PCDHGA12: variants seen among roughly 807,000 people sequenced by gnomAD.
The protein encoded by PCDHGA12 is protocadherin gamma subfamily A, 12, also known as protocadherin gamma-A12.
In PCDHGA12, 43 loss-of-function variants were observed where a neutral mutation model predicts 61.1. That is an observed-to-expected ratio of 0.70 (90% CI 0.55 to 0.91). The LOEUF (loss-of-function observed/expected upper bound fraction) is 0.91, where lower values mean the gene tolerates loss of function less well. PCDHGA12 is among the 40% of genes least tolerant of loss of function. PCDHGA12 has a pLI of 0.00. For missense variants in PCDHGA12, 1,236 were observed against 1,227.7 expected (o/e 1.01, Z -0.10); for synonymous variants, 520 against 542.9 (o/e 0.96, Z 0.59).
In PCDHGA12 at chr5:141,485,417, G is replaced by A. The variant is rs1340790133; in HGVS notation, c.2425-9390G>A. The A allele has an allele frequency of 1.2e-6, 2 of 1,614,166 alleles. No homozygotes were observed. Among genetic ancestry groups the A allele is most frequent in the Non-Finnish European group, 8.5e-7 (1 of 1,180,038 alleles). ...ACACTTCCGTGTGGATTTGGACAGCGGAGCCCTGCTCATCAAGAACCCAAT... is the reference window on the plus strand; with the variant it reads ...ACACTTCCGTGTGGATTTGGACAGCAGAGCCCTGCTCATCAAGAACCCAAT... On this transcript the variant is annotated intron_variant, in intron 1 of 3. Coordinates refer to ENST00000252085, the MANE Select transcript of PCDHGA12 (RefSeq NM_003735.3). The surrounding 1 kb of genome is among the most constrained non-coding windows in gnomAD (Gnocchi z 5.7).
Position 141,433,359 on chromosome 5 carries a change from CTAT to C in PCDHGA12, c.2424+177_2424+179del, listed in dbSNP as rs2097588942. 4 of 228,708 alleles carry C rather than the reference CTAT, an allele frequency of 1.7e-5. No homozygotes were observed. In the African/African-American group the frequency reaches 3.4e-4, roughly 19 times the overall value. The allele number at this position is 228,708 out of a possible 1,614,324, so 14.2% of individuals were successfully genotyped here. ...CAGGTGCAAGCCACCTACTGTCTGC[CTAT>C]CTATCTATCTATCTATCTATCTATC... On this transcript the variant is annotated intron_variant, in intron 1 of 3. Coordinates refer to ENST00000252085, the MANE Select transcript of PCDHGA12 (RefSeq NM_003735.3).
chr5:141,502,450 C>T (rs184669731), intron 2 of PCDHGA12, among the ~76,000 whole-genome samples: 3 of 152,010 alleles, frequency 2.0e-5, no homozygotes, highest in Admixed American at 1.3e-4. Context: ...AGATTACACA[C>T]CTTGGTAGGA....
chr5:141,439,445 G>T (rs1030957687), intron 1 of PCDHGA12, among the ~76,000 whole-genome samples: 1 of 152,102 alleles, frequency 6.6e-6, no homozygotes, highest in Non-Finnish European at 1.5e-5. Context: ...ATTTTATTGC[G>T]GGAGCAAGAC....
At position 141,485,929 on chromosome 5, in the gene PCDHGA12, G is replaced by A; in HGVS notation, c.2425-8878G>A. 1 of 1,614,150 alleles carries A rather than the reference G, an allele frequency of 6.2e-7. No homozygotes were observed. The highest frequency in any genetic ancestry group is 8.5e-7 in the Non-Finnish European group (1 of 1,180,036). ...AATCCAGCTACAGGATTAGTGTGTT[G>A]GAGAGCGCACCAGCGGGCATGGTGC... On this transcript the variant is annotated intron_variant, in intron 1 of 3. Coordinates refer to ENST00000252085, the MANE Select transcript of PCDHGA12 (RefSeq NM_003735.3). This position sits in a 1 kb window ranked among gnomAD's most constrained non-coding sequence, Gnocchi z 5.7.
intron 1 of PCDHGA12, among the ~76,000 whole-genome samples, chr5:141,472,273 G>A (rs2099275685): frequency 6.6e-6 from 1 of 152,170 alleles, no homozygotes; most frequent in South Asian, 2.1e-4. Context: ...CGGGCACAGT[G>A]GCTCACACCT....
chr5:141,455,495 G>C (rs2098824459), intron 1 of PCDHGA12, among the ~76,000 whole-genome samples: 1 of 152,204 alleles, frequency 6.6e-6, no homozygotes, highest in East Asian at 1.9e-4. Flanking sequence ...GGTGATGTCT[G>C]ATTTGCATAG....
In PCDHGA12 at chr5:141,432,854, G is replaced by A. The variant is rs769962088; in HGVS notation, c.2095G>A (p.Ala699Thr). 1 of 1,614,192 alleles carries A rather than the reference G, an allele frequency of 6.2e-7. No homozygotes were observed. Residue 699 changes from alanine (A) to threonine (T), a missense_variant, in exon 1 of 4, where the codon GCG becomes ACG. Transcript: ENST00000252085. The surrounding 1 kb of genome is among the most constrained non-coding windows in gnomAD (Gnocchi z 6.0). ...LTLYLVVAVA[A>T]VSCVFLAFVI... ...TCTGTACCTGGTGGTAGCGGTGGCC[G>A]CGGTCTCCTGCGTCTTCCTGGCCTT...
chr5:141,498,672 C>T (rs1034911993), intron 2 of PCDHGA12, among the ~76,000 whole-genome samples: 3 of 152,218 alleles, frequency 2.0e-5, no homozygotes, highest in South Asian at 4.1e-4. Context: ...TGGCTCACGC[C>T]TGTAATCCCA....
At chr5:141,506,444 CAAA>C (rs1219684339) in intron 3 of PCDHGA12, among the ~76,000 whole-genome samples, 12 of 95,004 alleles carry the variant, frequency 1.3e-4, no homozygotes, top group Admixed American at 3.3e-4. Context: ...CGCTCTGTCT[CAAA>C]AAAAAAAAAA....
intron 1 of PCDHGA12, among the ~76,000 whole-genome samples, chr5:141,446,571 G>C (rs1460375061): frequency 2.0e-5 from 3 of 152,058 alleles, no homozygotes; most frequent in African/African-American, 7.2e-5. Flanking sequence ...CTGCCTCCCA[G>C]GTTCAAGTGA....
rs146748846 is a variant in PCDHGA12 at position 141,452,937 on chromosome 5, G to C, written c.2424+19754G>C. 4.0e-4 allele frequency among the ~76,000 whole-genome samples: 61 copies of C among 152,254 alleles called. No individual in the cohort carries two copies. The East Asian group carries it at 0.01, about 26-fold the overall frequency. On this transcript the variant is annotated intron_variant, in intron 1 of 3. Coordinates refer to ENST00000252085, the MANE Select transcript of PCDHGA12 (RefSeq NM_003735.3). The stretch of plus-strand genomic sequence containing the variant: ...AGTAAGAAAGAGCTGCTGAAGATTT[G>C]CTTGCAATTGGTTGTCTTTAAACTG...
Position 141,437,685 on chromosome 5 carries a change from G to A in PCDHGA12, c.2424+4502G>A, listed in dbSNP as rs116699614. ...GAAGAGATGTTGATCAAACTGATGA[G>A]GCTAAATCTCAAGAAAGAGACACAG... On this transcript the variant is annotated intron_variant, in intron 1 of 3. Coordinates refer to ENST00000252085, the MANE Select transcript of PCDHGA12 (RefSeq NM_003735.3). Among the ~76,000 whole-genome samples the A allele has an allele frequency of 1.0e-2, 1,519 of 151,976 alleles. 34 individuals carry two copies. The highest frequency in any genetic ancestry group is 0.034 in the African/African-American group (1,425 of 41,440).
chr5:141,464,578 A>G (rs2099086989), intron 1 of PCDHGA12, among the ~76,000 whole-genome samples: 1 of 152,164 alleles, frequency 6.6e-6, no homozygotes, highest in Non-Finnish European at 1.5e-5. Flanking sequence ...ATAGATGAGA[A>G]TGTCCATTGT....
In PCDHGA12 at chr5:141,432,752, G is replaced by C. The variant is rs1407361813; in HGVS notation, c.1993G>C (p.Ala665Pro). The change falls in exon 1 of 4, where the codon GCC (alanine) becomes CCC (proline). Residue 665 changes from alanine to proline, a missense_variant. By Grantham distance (27) the Ala-to-Pro change is conservative. Coordinates refer to ENST00000252085, the MANE Select transcript of PCDHGA12 (RefSeq NM_003735.3). The surrounding 1 kb of genome is among the most constrained non-coding windows in gnomAD (Gnocchi z 6.0). ...SATVTLTVAV[A>P]DSIPQVLADL... is the part of the protein sequence containing the mutation. Reference sequence around the variant, plus strand: ...CACTGTCACGCTCACCGTGGCCGTGGCCGACAGCATCCCCCAAGTCCTGGC... The same window carrying C: ...CACTGTCACGCTCACCGTGGCCGTGCCCGACAGCATCCCCCAAGTCCTGGC... 9.3e-6 allele frequency: 15 copies of C among 1,614,024 alleles called. No individual in the cohort carries two copies. The highest frequency in any genetic ancestry group is 1.3e-5 in the Non-Finnish European group (15 of 1,180,008).
intron 2 of PCDHGA12, among the ~76,000 whole-genome samples, chr5:141,503,456 A>G (rs920770738): frequency 1.3e-5 from 2 of 152,058 alleles, no homozygotes; most frequent in African/African-American, 4.8e-5. Context: ...TTCGCTGGGC[A>G]TGGTGGCATG....
At chr5:141,435,665 A>C (rs1029846055) in intron 1 of PCDHGA12, among the ~76,000 whole-genome samples, 2 of 152,206 alleles carry the variant, frequency 1.3e-5, no homozygotes, top group African/African-American at 4.8e-5. Flanking sequence ...CACAGATTCC[A>C]AGTGTTTTCT....
chr5:141,464,853 C>A (rs1441161135), intron 1 of PCDHGA12, among the ~76,000 whole-genome samples: 1 of 151,778 alleles, frequency 6.6e-6, no homozygotes, highest in East Asian at 1.9e-4. Flanking sequence ...ATCCTCCTAC[C>A]TTAGCCTCCC....
Position 141,432,072 on chromosome 5 carries a change from T to C in PCDHGA12, c.1313T>C (p.Ile438Thr), listed in dbSNP as rs1236871982. The C allele has an allele frequency of 6.2e-7, 1 of 1,614,178 alleles. No homozygotes were observed. The highest frequency in any genetic ancestry group is 8.5e-7 in the Non-Finnish European group (1 of 1,180,032). The change falls in exon 1 of 4, where the codon ATC (isoleucine) becomes ACC (threonine). Residue 438 changes from isoleucine to threonine, a missense_variant. Coordinates refer to ENST00000252085, the MANE Select transcript of PCDHGA12 (RefSeq NM_003735.3). This position sits in a 1 kb window ranked among gnomAD's most constrained non-coding sequence, Gnocchi z 6.0. ...CCGCCCCTATCCACGGAAACTCATA[T>C]CTCGCTGAACGTGGCAGACACCAAC... Reference protein sequence around the residue: ...GTPPLSTETHISLNVADTNDN... With the variant: ...GTPPLSTETHTSLNVADTNDN...
intron 1 of PCDHGA12, among the ~76,000 whole-genome samples, chr5:141,452,401 G>C (rs2098740635): frequency 6.6e-6 from 1 of 152,134 alleles, no homozygotes. Flanking sequence ...CTAAGATCTG[G>C]GTGTGAGGTA....
Sources: gnomAD v4.1 joint callset for allele counts (sites outside exome capture counted in the v4.1 genomes callset) on GRCh38, gnomAD v4.1.1 for gene constraint, Gnocchi (gnomAD v3.1) non-coding constraint, MANE v1.5 for transcripts, NCBI Gene and HGNC (gene_info 2026-07-23, HGNC 2026-07-21) for gene names.